The following ZFHX3 variants were observed in gnomAD, a reference collection of about 807,000 sequenced individuals.
ZFHX3 encodes the protein zinc finger homeobox protein 3.
A neutral mutation model predicts 279.1 loss-of-function variants in ZFHX3; 42 were observed. That is an observed-to-expected ratio of 0.15 (90% CI 0.12 to 0.19). ZFHX3 has a LOEUF of 0.19. Ranked by LOEUF, ZFHX3 falls within the 10% of genes least tolerant of loss-of-function variation. The pLI, the probability that ZFHX3 is intolerant of heterozygous loss-of-function variation, is 1.00. For missense variants in ZFHX3, 4,981 were observed against 4,754.0 expected (o/e 1.05, Z -1.40); for synonymous variants, 2,293 against 1,957.8 (o/e 1.17, Z -4.52).
At chr16:72,811,874 TC>T (rs975101033) in intron 6 of ZFHX3, 30 bp downstream of exon 6, 2 of 1,375,764 alleles carry the variant, frequency 1.5e-6, no homozygotes, top group South Asian at 2.3e-5. Flanking sequence ...ACACCTCACC[TC>T]CCCACCAGCA....
intron 1 of ZFHX3, among the ~76,000 whole-genome samples, chr16:73,855,270 T>C (rs964285797): frequency 4.7e-4 from 71 of 150,890 alleles, no homozygotes; most frequent in Admixed American, 2.4e-3. Context: ...TGTCCCACAT[T>C]TGCCCGTGAA....
At position 73,762,625 on chromosome 16, in the gene ZFHX3, A is replaced by G. The variant is rs573234159; in HGVS notation, c.-1607-82385T>C. On this transcript the variant is annotated intron_variant, in intron 1 of 17. Transcript: ENST00000641206. The stretch of plus-strand genomic sequence containing the variant: ...GATAAAGAAAATGTAGTACATATAT[A>G]CCATGGAATACTATGCAGCCATAAA... 4.6e-5 allele frequency among the ~76,000 whole-genome samples: 7 copies of G among 152,372 alleles called. No homozygotes were observed. The East Asian group carries it at 1.2e-3, about 25-fold the overall frequency.
chr16:73,758,532 G>T (rs140857294), intron 1 of ZFHX3, among the ~76,000 whole-genome samples: 1 of 152,172 alleles, frequency 6.6e-6, no homozygotes, highest in Non-Finnish European at 1.5e-5. Context: ...ACATGGACAC[G>T]GCCTTCGTGG....
intron 2 of ZFHX3, among the ~76,000 whole-genome samples, chr16:73,659,425 G>A (rs552678649): frequency 5.3e-5 from 8 of 151,598 alleles, no homozygotes; most frequent in African/African-American, 9.7e-5. Context: ...TAGAAGCCAC[G>A]TACAATTTGG....
intron 5 of ZFHX3, among the ~76,000 whole-genome samples, chr16:72,826,976 C>G (rs539438454): frequency 6.6e-6 from 1 of 152,320 alleles, no homozygotes; most frequent in South Asian, 2.1e-4. Context: ...TTGAACTGCT[C>G]TCAACAAAGG....
chr16:73,056,309 C>T (rs142992177), intron 1 of ZFHX3, among the ~76,000 whole-genome samples: 338 of 152,330 alleles, frequency 2.2e-3, no homozygotes, highest in Admixed American at 4.4e-3. Flanking sequence ...GCAACTCATA[C>T]TTTTGACACT....
intron 1 of ZFHX3, among the ~76,000 whole-genome samples, chr16:73,058,321 G>GGACGCAGCGAGCGAGCA (rs1965611540): frequency 6.8e-6 from 1 of 148,054 alleles, no homozygotes; most frequent in Non-Finnish European, 1.5e-5. Flanking sequence ...GAAGGCGAGC[G>GGACGCAGCGAGCGAGCA]GGACGCAGCG....
At chr16:73,374,366 GGCCAGGCTTGGTCATTGGCCATTCA>G (rs1390196424) in intron 3 of ZFHX3, among the ~76,000 whole-genome samples, 141 of 31,852 alleles carry the variant, frequency 4.4e-3, no homozygotes, top group African/African-American at 0.011. Context: ...GGCCATTCAA[GGCCAGGCTTGGTCATTGGCCATTCA>G]AGGCCAGTCC....
At chr16:72,821,563 T>C (rs1567533266) in intron 5 of ZFHX3, among the ~76,000 whole-genome samples, 1 of 152,204 alleles carries the variant, frequency 6.6e-6, no homozygotes. Context: ...TTTTCACTTG[T>C]TGTTTGCCTA....
At chr16:73,023,827 C>T (rs1964399698) in intron 1 of ZFHX3, among the ~76,000 whole-genome samples, 1 of 152,206 alleles carries the variant, frequency 6.6e-6, no homozygotes, top group Admixed American at 6.5e-5. Context: ...ACGACGTCAG[C>T]CCAAAGGCCA....
rs1959492920 is a variant in ZFHX3, at chr16:73,782,142, C to T, written c.-1607-101902G>A. 2.6e-5 allele frequency among the ~76,000 whole-genome samples: 4 copies of T among 152,334 alleles called. No individual in the cohort carries two copies. In the South Asian group the frequency reaches 8.3e-4, roughly 32 times the overall value. On this transcript the variant is annotated intron_variant, in intron 1 of 17. Coordinates refer to the ZFHX3 transcript ENST00000641206. ...CAGGAATGGTGCTTTAGATGCTCAG[C>T]TGGCTCTGTACAAAGTTAACCGTAC...
chr16:73,594,344 A>T (rs557177442), intron 2 of ZFHX3, among the ~76,000 whole-genome samples: 1 of 152,358 alleles, frequency 6.6e-6, no homozygotes, highest in Non-Finnish European at 1.5e-5. Context: ...CATATTTATA[A>T]ATGGGAAGGC....
At position 73,500,437 on chromosome 16, in the gene ZFHX3, T is replaced by C. The variant is rs553753645; in HGVS notation, c.-1546-44179A>G. On this transcript the variant is annotated intron_variant, in intron 2 of 17. Transcript: ENST00000641206. ...AGACCTCCTGGGCTCAAGCAATCCTTCCACCTCAGCCTCCTGAGTAGCTGG... is the reference window on the plus strand; with the variant it reads ...AGACCTCCTGGGCTCAAGCAATCCTCCCACCTCAGCCTCCTGAGTAGCTGG... Among the ~76,000 whole-genome samples, 62 of 152,004 alleles carry C rather than the reference T, an allele frequency of 4.1e-4. 1 individual carries two copies. In the South Asian group the frequency reaches 8.9e-3, roughly 22 times the overall value.
chr16:72,904,367 A>AAACT lies in ZFHX3; in HGVS notation c.3217-14406_3217-14405insAGTT, dbSNP rs372466280. Among the ~76,000 whole-genome samples, 1,169 of 140,066 alleles carry AAACT rather than the reference A, an allele frequency of 8.3e-3. 11 individuals carry two copies. The highest frequency in any genetic ancestry group is 0.011 in the Non-Finnish European group (695 of 65,112). 91.9% of individuals were successfully genotyped at this position (140,066 alleles called of 152,430 possible). ...TGGCAACAGAGTGAGATTCTGTCTC[A>AAACT]AAATAAATAAATAAATAAATAAATA... is the stretch of plus-strand genomic sequence containing the variant. On this transcript the variant is annotated intron_variant, in intron 3 of 9. Coordinates refer to ENST00000268489, the MANE Select transcript of ZFHX3 (RefSeq NM_006885.4).
intron 5 of ZFHX3, among the ~76,000 whole-genome samples, chr16:73,175,664 G>A (rs1007796327): frequency 6.6e-6 from 1 of 152,278 alleles, no homozygotes; most frequent in Admixed American, 6.5e-5. Context: ...GACTTTTCCC[G>A]CTTCAAGACC....
chr16:73,238,063 T>G (rs982888547), intron 5 of ZFHX3, among the ~76,000 whole-genome samples: 2 of 152,156 alleles, frequency 1.3e-5, no homozygotes, highest in Non-Finnish European at 2.9e-5. Flanking sequence ...CAGTGACCAC[T>G]CCCTCTCGCA....
chr16:73,436,122 G>A (rs1012271871), intron 3 of ZFHX3, among the ~76,000 whole-genome samples: 2 of 152,236 alleles, frequency 1.3e-5, no homozygotes, highest in African/African-American at 2.4e-5. Flanking sequence ...CTGAGGTTGG[G>A]AGTTTGAGGC....
chr16:72,958,673 G>A lies in ZFHX3; in HGVS notation c.1473C>T (p.Cys491=), dbSNP rs964500187. ...EEEEEEEDEG[C]KGLFPSELDE... ...CCAACTCGCTTGGAAAGAGTCCTTT[G>A]CAACCCTCGTCTTCCTCCTCCTCTT... The change falls in exon 2 of 10, where the codon TGC becomes TGT. Residue 491 remains cysteine, a synonymous_variant. Transcript: ENST00000268489. The A allele has an allele frequency of 6.2e-7, 1 of 1,612,364 alleles. No individual in the cohort carries two copies. The highest frequency in any genetic ancestry group is 8.5e-7 in the Non-Finnish European group (1 of 1,178,942).
intron 4 of ZFHX3, among the ~76,000 whole-genome samples, chr16:72,874,172 C>T (rs1329586187): frequency 6.8e-6 from 1 of 148,008 alleles, no homozygotes; most frequent in Admixed American, 6.8e-5. Context: ...TTTCTTGTGC[C>T]TGGAGCTCAG....
Sources: gnomAD v4.1 joint callset for allele counts (sites outside exome capture counted in the v4.1 genomes callset) on GRCh38, gnomAD v4.1.1 for gene constraint, MANE v1.5 for transcripts, NCBI Gene and HGNC (gene_info 2026-07-23, HGNC 2026-07-21) for gene names.